CPNE4: variants seen among roughly 807,000 people sequenced by gnomAD.
CPNE4 encodes copine 4, also known as copine-4.
CPNE4 carries 25 observed loss-of-function variants against 67.9 expected under a neutral mutation model. That is an observed-to-expected ratio of 0.37 (90% confidence interval 0.27 to 0.51). The LOEUF is 0.51. Among genes scored for constraint, CPNE4 ranks in the 20% least tolerant of loss-of-function variants. CPNE4 has a pLI of 0.93. For missense variants in CPNE4, 464 were observed against 690.8 expected (o/e 0.67, Z 3.68); for synonymous variants, 242 against 244.9 (o/e 0.99, Z 0.11).
At chr3:132,015,439 C>A (rs1583600508) in intron 1 of CPNE4, among the ~76,000 whole-genome samples, 1 of 151,992 alleles carries the variant, frequency 6.6e-6, no homozygotes, top group Non-Finnish European at 1.5e-5. Context: ...AGGAAAGCTC[C>A]AATAGACTCT....
At chr3:132,029,120 G>A (rs2074183255) in intron 1 of CPNE4, among the ~76,000 whole-genome samples, 1 of 152,026 alleles carries the variant, frequency 6.6e-6, no homozygotes, top group South Asian at 2.1e-4. Context: ...GAAAACTGTA[G>A]CCCAAATTTA....
chr3:131,640,754 C>G (rs1226750189), intron 7 of CPNE4, among the ~76,000 whole-genome samples: 1 of 151,866 alleles, frequency 6.6e-6, no homozygotes, highest in African/African-American at 2.4e-5. Flanking sequence ...TCATATTACC[C>G]AAGTTCAAAG....
At chr3:131,974,841 C>T (rs60302406) in intron 1 of CPNE4, among the ~76,000 whole-genome samples, 1 of 152,090 alleles carries the variant, frequency 6.6e-6, no homozygotes, top group Non-Finnish European at 1.5e-5. Flanking sequence ...AACCCTGTCT[C>T]TACAAACAGT....
At chr3:131,901,648 A>AATAGAG (rs1279570309) in intron 2 of CPNE4, among the ~76,000 whole-genome samples, 1 of 151,942 alleles carries the variant, frequency 6.6e-6, no homozygotes, top group Non-Finnish European at 1.5e-5. Flanking sequence ...GAGTAGGAGA[A>AATAGAG]ATAGAGGAGT....
rs866044093 is a variant in CPNE4 at position 131,898,614 on chromosome 3, T to A, written c.180+6650A>T. 3.3e-5 allele frequency among the ~76,000 whole-genome samples: 5 copies of A among 152,230 alleles called. No individual in the cohort carries two copies. The South Asian group carries it at 1.0e-3, about 32-fold the overall frequency. On this transcript the variant is annotated intron_variant, in intron 2 of 15. Transcript: ENST00000429747. Reference sequence around the variant, plus strand: ...ATGTTGAGATTTTACTTATAAGGAATCCAATTAGTCACATATGCAATCCAG... The same window carrying A: ...ATGTTGAGATTTTACTTATAAGGAAACCAATTAGTCACATATGCAATCCAG...
At chr3:131,714,162 TG>T (rs1481529712) in intron 3 of CPNE4, among the ~76,000 whole-genome samples, 2 of 152,142 alleles carry the variant, frequency 1.3e-5, no homozygotes, top group Non-Finnish European at 2.9e-5. Context: ...GGAATCTTAC[TG>T]TGGGCATTAC....
Position 131,767,154 on chromosome 3 carries a change from C to CTT in CPNE4, c.181-43531_181-43530dup, listed in dbSNP as rs565354957. ...TGTGTGCAAGGAAGGGAAAAAGTCT[C>CTT]TTTCTCTCTCTCTCTTTGACTTTGA... On this transcript the variant is annotated intron_variant, in intron 2 of 15. Coordinates refer to ENST00000429747, the MANE Select transcript of CPNE4 (RefSeq NM_130808.3). Among the ~76,000 whole-genome samples, 69 of 152,186 alleles carry CTT rather than the reference C, an allele frequency of 4.5e-4. 2 individuals carry two copies. In the South Asian group the frequency reaches 0.014, roughly 31 times the overall value.
intron 2 of CPNE4, among the ~76,000 whole-genome samples, chr3:131,760,362 G>A (rs2082856402): frequency 6.6e-6 from 1 of 152,138 alleles, no homozygotes; most frequent in African/African-American, 2.4e-5. Flanking sequence ...AGAGGCTCAG[G>A]GAGGATTTTT....
rs3749263 is a variant in CPNE4, at chr3:131,905,276, C to G, written c.168G>C (p.Gly56=). 176,481 of 1,612,618 alleles carry G rather than the reference C, an allele frequency of 0.11. 11,410 individuals carry two copies. Among genetic ancestry groups the G allele is most frequent in the African/African-American group, 0.29 (21,846 of 74,848 alleles). ...TGGACATGCCTACCTCAAACCACTG[C>G]CCATGAGACTGCATCTTGAGGATGA... The part of the protein sequence containing the change: ...PCVILKMQSH[G]QWFEVDRTEV... The change falls in exon 2 of 16, where the codon GGG becomes GGC. Residue 56 remains glycine (G), a synonymous_variant. Transcript: ENST00000429747.
chr3:131,684,128 C>T (rs1392306012), intron 6 of CPNE4, among the ~76,000 whole-genome samples: 1 of 152,192 alleles, frequency 6.6e-6, no homozygotes, highest in Non-Finnish European at 1.5e-5. Context: ...TGTGGTCATT[C>T]ACCTGATGTT....
chr3:131,615,929 GCACACA>G (rs55641783), intron 7 of CPNE4, among the ~76,000 whole-genome samples: 1,126 of 78,088 alleles, frequency 0.014, 13 homozygotes, highest in Non-Finnish European at 0.017. Context: ...ACACACACAC[GCACACA>G]CACACACACA....
intron 7 of CPNE4, among the ~76,000 whole-genome samples, chr3:131,622,982 G>A (rs925791272): frequency 6.6e-6 from 1 of 152,180 alleles, no homozygotes; most frequent in African/African-American, 2.4e-5. Flanking sequence ...TAGGTGTCTA[G>A]AAGAGACAGA....
At chr3:131,829,743 G>C (rs892542810) in intron 2 of CPNE4, among the ~76,000 whole-genome samples, 1 of 152,204 alleles carries the variant, frequency 6.6e-6, no homozygotes, top group Non-Finnish European at 1.5e-5. Context: ...TTCACAAGAG[G>C]ATGGGGAAAC....
rs144753413 is a variant in CPNE4 at position 131,717,853 on chromosome 3, G to GCTCCCTTTCCTTCCTCC, written c.360+5592_360+5593insGGAGGAAGGAAAGGGAG. Reference sequence around the variant, plus strand: ...TTCTTCCTTCCTTCCTTCCTTCCTCGCTCCCTCCTTTCTTTCTTTCTTTTC... The same window carrying GCTCCCTTTCCTTCCTCC: ...TTCTTCCTTCCTTCCTTCCTTCCTCGCTCCCTTTCCTTCCTCCCTCCCTCCTTTCTTTCTTTCTTTTC... On this transcript the variant is annotated intron_variant, in intron 3 of 15. Transcript: ENST00000429747. Among the ~76,000 whole-genome samples, 2 of 81,160 alleles carry GCTCCCTTTCCTTCCTCC rather than the reference G, an allele frequency of 2.5e-5. 1 individual carries two copies. Among genetic ancestry groups the GCTCCCTTTCCTTCCTCC allele is most frequent in the Non-Finnish European group, 6.3e-5 (2 of 31,662 alleles). The allele number at this position is 81,160 out of a possible 152,430, so 53.2% of individuals were successfully genotyped here. A position where few individuals can be genotyped will look rare whatever the true frequency, so the allele number is the denominator to read the frequency against.
intron 3 of CPNE4, among the ~76,000 whole-genome samples, chr3:131,718,382 C>T (rs1326938273): frequency 6.6e-6 from 1 of 152,168 alleles, no homozygotes; most frequent in African/African-American, 2.4e-5. Context: ...GAGAAAAACA[C>T]TTAAAAGCAT....
intron 7 of CPNE4, among the ~76,000 whole-genome samples, chr3:131,604,091 T>G (rs1939367237): frequency 6.6e-6 from 1 of 152,140 alleles, no homozygotes; most frequent in African/African-American, 2.4e-5. Context: ...AGCCCCACAC[T>G]TCCAGATTTC....
At chr3:131,950,156 A>G (rs966951352) in intron 1 of CPNE4, among the ~76,000 whole-genome samples, 14 of 152,222 alleles carry the variant, frequency 9.2e-5, no homozygotes, top group African/African-American at 3.1e-4. Context: ...TCTGGTCACA[A>G]TATTTTTGTC....
At chr3:131,575,214 A>C (rs1937522086) in intron 9 of CPNE4, 84 bp from the exon 10 acceptor site, 2 of 1,140,326 alleles carry the variant, frequency 1.8e-6, no homozygotes, top group African/African-American at 3.1e-5. Context: ...TTGGTGACTG[A>C]TAAGCTGCTA....
At chr3:131,550,766 T>C (rs951771571) in intron 13 of CPNE4, among the ~76,000 whole-genome samples, 2 of 152,062 alleles carry the variant, frequency 1.3e-5, no homozygotes, top group South Asian at 4.1e-4. Context: ...TCCTGGGCAC[T>C]GAGTACAGAT....
Sources: allele counts gnomAD v4.1 joint callset (sites outside exome capture counted in the v4.1 genomes callset), GRCh38; gene constraint gnomAD v4.1.1; transcripts MANE v1.5; gene names NCBI Gene and HGNC (gene_info 2026-07-23, HGNC 2026-07-21).